Variants in ERICH1 observed in about 807,000 individuals in gnomAD.
ERICH1 encodes glutamate rich 1.
In ERICH1, 56 loss-of-function variants were observed where a neutral mutation model predicts 39.6. The ratio of observed to expected loss-of-function variants is 1.41; its 90% CI spans 1.14 to 1.77. The LOEUF (loss-of-function observed/expected upper bound fraction) is 1.77, where lower values mean the gene tolerates loss of function less well. Ranked by LOEUF, ERICH1 falls within the 40% of genes most tolerant of loss-of-function variation. The probability of loss-of-function intolerance (pLI) is 0.00; values close to 1 mark genes in which losing one functional copy is unlikely to be tolerated. For synonymous variants in ERICH1, 313 were observed against 223.6 expected (o/e 1.40, Z -3.57); for missense variants, 826 against 575.4 (o/e 1.44, Z -4.45).
At chr8:699,286 G>C (rs777816960) in intron 2 of ERICH1, among the ~76,000 whole-genome samples, 2 of 152,044 alleles carry the variant, frequency 1.3e-5, no homozygotes, top group East Asian at 3.9e-4. Context: ...AAATGCTACC[G>C]GGGGGAGCGC....
intron 3 of ERICH1, among the ~76,000 whole-genome samples, chr8:625,363 C>A (rs1797542791): frequency 6.6e-6 from 1 of 152,164 alleles, no homozygotes; most frequent in African/African-American, 2.4e-5. Flanking sequence ...GTTAAAGAAG[C>A]CGGACAAAGG....
At chr8:724,425 C>T (rs1563365803) in intron 1 of ERICH1, among the ~76,000 whole-genome samples, 1 of 152,202 alleles carries the variant, frequency 6.6e-6, no homozygotes, top group Non-Finnish European at 1.5e-5. Flanking sequence ...AACACCTTAC[C>T]TTCACGGGCG....
rs189098942 is a variant in ERICH1 at position 706,563 on chromosome 8, C to A, written c.169+9298G>T. ...CTGAGGTGGGCGGATCACCTGAGGT[C>A]GGGAGTTCGAGACCAGCCTGACGAA... is the stretch of plus-strand genomic sequence containing the variant. On this transcript the variant is annotated intron_variant, in intron 2 of 5. Coordinates refer to ENST00000262109, the MANE Select transcript of ERICH1 (RefSeq NM_207332.3). Among the ~76,000 whole-genome samples, 1,349 of 152,198 alleles carry A rather than the reference C, an allele frequency of 8.9e-3. 17 individuals carry two copies. Among genetic ancestry groups the A allele is most frequent in the African/African-American group, 0.029 (1,188 of 41,504 alleles).
At chr8:710,798 T>G (rs1814559459) in intron 2 of ERICH1, among the ~76,000 whole-genome samples, 1 of 152,252 alleles carries the variant, frequency 6.6e-6, no homozygotes, top group Admixed American at 6.5e-5. Flanking sequence ...CTTCGTTGCT[T>G]CCAAGTTTCG....
At chr8:672,815 G>A (rs548266262) in intron 4 of ERICH1, among the ~76,000 whole-genome samples, 7 of 152,372 alleles carry the variant, frequency 4.6e-5, no homozygotes, top group South Asian at 2.1e-4. Context: ...TCCGTTCTAT[G>A]TGGAAGAGAA....
chr8:724,857 C>T (rs575695748), intron 1 of ERICH1, among the ~76,000 whole-genome samples: 1 of 152,200 alleles, frequency 6.6e-6, no homozygotes, highest in Non-Finnish European at 1.5e-5. Flanking sequence ...GAACCCAGAA[C>T]CCGGGAAGCA....
At chr8:726,979 A>G (rs920756663) in intron 1 of ERICH1, among the ~76,000 whole-genome samples, 3 of 134,094 alleles carry the variant, frequency 2.2e-5, no homozygotes, top group South Asian at 2.1e-4. Flanking sequence ...ACACGTACAC[A>G]TACACATACA....
intron 3 of ERICH1, among the ~76,000 whole-genome samples, chr8:621,476 T>C (rs1797276706): frequency 6.6e-6 from 1 of 151,910 alleles, no homozygotes; most frequent in African/African-American, 2.4e-5. Context: ...TATGTAATTT[T>C]TGTCAACTAT....
intron 1 of ERICH1, 44 bp downstream of exon 1, chr8:731,096 C>A (rs1179990258): frequency 2.8e-6 from 4 of 1,427,378 alleles, no homozygotes; most frequent in Admixed American, 5.5e-5. Flanking sequence ...GAGCCGAGAG[C>A]CGGGTCTGGG....
intron 3 of ERICH1, among the ~76,000 whole-genome samples, chr8:642,259 A>G (rs1799078562): frequency 6.6e-6 from 1 of 151,898 alleles, no homozygotes; most frequent in Admixed American, 6.6e-5. Flanking sequence ...TGCTAACTGC[A>G]ATTTGCTTTG....
chr8:693,279 G>C (rs111917600), intron 2 of ERICH1, among the ~76,000 whole-genome samples: 1 of 152,064 alleles, frequency 6.6e-6, no homozygotes, highest in African/African-American at 2.4e-5. Context: ...TACATCTTCA[G>C]GAGATCGTGT....
At chr8:731,014 G>T in intron 1 of ERICH1, 126 bp downstream of exon 1, 1 of 1,138,942 alleles carries the variant, frequency 8.8e-7, no homozygotes, top group Non-Finnish European at 1.1e-6. Flanking sequence ...GTGGAGGTGG[G>T]GAGTCGGTCT....
intron 3 of ERICH1, among the ~76,000 whole-genome samples, chr8:681,355 T>C (rs1354731559): frequency 6.6e-6 from 1 of 152,252 alleles, no homozygotes; most frequent in Non-Finnish European, 1.5e-5. Context: ...CCTCTAACTC[T>C]GTCTTATTTA....
At chr8:615,113 C>G (rs889011996) in exon 4 of ERICH1, 2 of 604,048 alleles carry the variant, frequency 3.3e-6, no homozygotes, top group African/African-American at 3.7e-5. Flanking sequence ...AAGCTTGCTG[C>G]ATCTGAGTCT....
At chr8:625,606 T>A (rs1797560412) in intron 3 of ERICH1, 1 of 152,182 alleles carries the variant, frequency 6.6e-6, no homozygotes, top group African/African-American at 2.4e-5. Flanking sequence ...ACACTTTAAA[T>A]AAGTGAATTT....
At chr8:692,641 C>T in intron 2 of ERICH1, 29 bp from the exon 3 acceptor site, 2 of 1,548,736 alleles carry the variant, frequency 1.3e-6, no homozygotes, top group Non-Finnish European at 1.7e-6. Flanking sequence ...ATAACAGGAA[C>T]TGGTAAATAT....
chr8:623,278 A>C (rs1406967755), intron 3 of ERICH1, among the ~76,000 whole-genome samples: 1 of 152,230 alleles, frequency 6.6e-6, no homozygotes, highest in Non-Finnish European at 1.5e-5. Flanking sequence ...ATATGAATAA[A>C]GTACAAAAAC....
chr8:663,616 G>C (rs1801757657), downstream of ERICH1, among the ~76,000 whole-genome samples: 1 of 152,170 alleles, frequency 6.6e-6, no homozygotes, highest in Non-Finnish European at 1.5e-5. Flanking sequence ...GACGAGTGTG[G>C]TGGCCCCAGC....
intron 3 of ERICH1, among the ~76,000 whole-genome samples, chr8:679,116 CCACCTCTCACAGCTCT>C (rs1405685396): frequency 6.7e-6 from 1 of 150,128 alleles, no homozygotes; most frequent in East Asian, 2.0e-4. Context: ...CTCACAGCTC[CCACCTCTCACAGCTCT>C]CACCCGTCAA....
Sources: gnomAD v4.1 joint callset for allele counts (sites outside exome capture counted in the v4.1 genomes callset) on GRCh38, gnomAD v4.1.1 for gene constraint, MANE v1.5 for transcripts, NCBI Gene and HGNC (gene_info 2026-07-23, HGNC 2026-07-21) for gene names.